Variants in XPR1 observed in about 807,000 individuals in gnomAD.
XPR1 encodes the protein xenotropic and polytropic retrovirus receptor 1, also known as solute carrier family 53 member 1.
Under a neutral mutation model 87.5 loss-of-function variants are expected in XPR1, and 28 were observed. That is an observed-to-expected ratio of 0.32 (90% CI 0.24 to 0.44). The LOEUF is 0.44. Among genes scored for constraint, XPR1 ranks in the 20% least tolerant of loss-of-function variants. The pLI is 1.00. For missense variants in XPR1, 559 were observed against 862.3 expected (o/e 0.65, Z 4.41); for synonymous variants, 300 against 306.1 (o/e 0.98, Z 0.21).
intron 2 of XPR1, among the ~76,000 whole-genome samples, chr1:180,777,536 G>A (rs1243326996): frequency 6.6e-6 from 1 of 152,060 alleles, no homozygotes; most frequent in Admixed American, 6.6e-5. Context: ...TACATAGGAG[G>A]GACTTGGTAC....
chr1:180,829,471 G>C (rs1253489526), intron 9 of XPR1, among the ~76,000 whole-genome samples: 1 of 152,166 alleles, frequency 6.6e-6, no homozygotes, highest in African/African-American at 2.4e-5. Context: ...GAATTTGACT[G>C]TGTGTAAATG....
intron 1 of XPR1, among the ~76,000 whole-genome samples, chr1:180,668,211 C>T (rs1656030357): frequency 6.7e-6 from 1 of 149,228 alleles, no homozygotes; most frequent in African/African-American, 2.5e-5. Flanking sequence ...CAATTGCAAC[C>T]TCCACCTTCT....
intron 1 of XPR1, among the ~76,000 whole-genome samples, chr1:180,634,409 CTTGTT>C (rs1654696398): frequency 6.6e-6 from 1 of 152,062 alleles, no homozygotes; most frequent in African/African-American, 2.4e-5. Flanking sequence ...GGGTTGGAAT[CTTGTT>C]TTGTGTGTTG....
intron 2 of XPR1, among the ~76,000 whole-genome samples, chr1:180,753,801 G>A (rs1237567618): frequency 1.3e-5 from 2 of 152,172 alleles, no homozygotes; most frequent in African/African-American, 4.8e-5. Flanking sequence ...ACATATATTT[G>A]TGTGGTTAAC....
intron 2 of XPR1, among the ~76,000 whole-genome samples, chr1:180,704,245 G>GATATATATATAGATATATATATATAT (rs1553238719): frequency 1.5e-5 from 1 of 66,054 alleles, no homozygotes; most frequent in African/African-American, 5.6e-5. Flanking sequence ...ATAGGTGCTG[G>GATATATATATAGATATATATATATAT]ATATATATAT....
At chr1:180,648,455 C>T (rs968158505) in intron 1 of XPR1, among the ~76,000 whole-genome samples, 1 of 152,168 alleles carries the variant, frequency 6.6e-6, no homozygotes, top group Non-Finnish European at 1.5e-5. Flanking sequence ...AATATGTGGA[C>T]CCCACTAAAT....
In XPR1 at chr1:180,655,121, C is replaced by T. The variant is rs565390822; in HGVS notation, c.69+22851C>T. ...TTTTTTTAAGCAGTAGCCATCCTAT[C>T]AAATGAATATGGTATCTCATTGTAG... On this transcript the variant is annotated intron_variant, in intron 1 of 14. Coordinates refer to ENST00000367590, the MANE Select transcript of XPR1 (RefSeq NM_004736.4). Among the ~76,000 whole-genome samples the T allele has an allele frequency of 5.3e-5, 8 of 152,214 alleles. 1 individual carries two copies. In the South Asian group the frequency reaches 1.0e-3, roughly 20 times the overall value.
intron 2 of XPR1, among the ~76,000 whole-genome samples, chr1:180,690,167 A>AG (rs1656931148): frequency 6.6e-6 from 1 of 152,220 alleles, no homozygotes; most frequent in East Asian, 1.9e-4. Context: ...AAAAAAAAAA[A>AG]AAGTGTATTT....
At chr1:180,804,893 T>TA (rs1457930446) in intron 4 of XPR1, among the ~76,000 whole-genome samples, 3 of 152,208 alleles carry the variant, frequency 2.0e-5, no homozygotes, top group Non-Finnish European at 4.4e-5. Context: ...TATAATGGTA[T>TA]AGCAACATTA....
chr1:180,872,895 A>T (rs970748228), intron 12 of XPR1, among the ~76,000 whole-genome samples: 7 of 152,102 alleles, frequency 4.6e-5, no homozygotes, highest in African/African-American at 1.2e-4. Flanking sequence ...TAAGTAGAAG[A>T]AGTAGCTACA....
intron 1 of XPR1, among the ~76,000 whole-genome samples, chr1:180,653,547 A>T (rs1448360873): frequency 6.6e-6 from 1 of 152,148 alleles, no homozygotes; most frequent in Non-Finnish European, 1.5e-5. Context: ...TCCACAGGGG[A>T]TACATTCCAG....
At chr1:180,659,381 G>GTCCT (rs1169616821) in intron 1 of XPR1, among the ~76,000 whole-genome samples, 1,338 of 55,226 alleles carry the variant, frequency 0.024, 29 homozygotes, top group Non-Finnish European at 0.03. Flanking sequence ...CCGTCCTTCC[G>GTCCT]TCCTTCCTTC....
intron 14 of XPR1, 138 bp downstream of exon 14, chr1:180,880,435 A>C: frequency 1.2e-6 from 1 of 840,180 alleles, no homozygotes; most frequent in Non-Finnish European, 1.9e-6. Flanking sequence ...AAAAAACAGT[A>C]ATAAGCAGCA....
At chr1:180,802,288 T>C (rs1649813421) in intron 3 of XPR1, among the ~76,000 whole-genome samples, 1 of 152,192 alleles carries the variant, frequency 6.6e-6, no homozygotes, top group African/African-American at 2.4e-5. Context: ...AATTGTGACC[T>C]TGGAAGAAAA....
chr1:180,832,005 T>G (rs1651082914), intron 9 of XPR1, among the ~76,000 whole-genome samples: 1 of 152,206 alleles, frequency 6.6e-6, no homozygotes, highest in Non-Finnish European at 1.5e-5. Context: ...TAATTTATAC[T>G]CCCACCAACA....
chr1:180,845,285 C>T (rs1333952986), intron 11 of XPR1, among the ~76,000 whole-genome samples: 1 of 152,108 alleles, frequency 6.6e-6, no homozygotes, highest in Non-Finnish European at 1.5e-5. Flanking sequence ...TCATTCATAC[C>T]TTTTGACCTA....
intron 12 of XPR1, among the ~76,000 whole-genome samples, chr1:180,865,474 C>G (rs1394537879): frequency 1.3e-5 from 2 of 151,158 alleles, no homozygotes; most frequent in African/African-American, 4.9e-5. Flanking sequence ...GATCTCGGCT[C>G]ACTGCCAGCT....
chr1:180,649,208 G>A (rs1380030645), intron 1 of XPR1, among the ~76,000 whole-genome samples: 4 of 151,838 alleles, frequency 2.6e-5, no homozygotes, highest in Non-Finnish European at 2.9e-5. Flanking sequence ...GGCGGATCAC[G>A]AGGTCAGGTG....
intron 2 of XPR1, among the ~76,000 whole-genome samples, chr1:180,741,548 C>T (rs1658926385): frequency 6.6e-6 from 1 of 152,024 alleles, no homozygotes; most frequent in Admixed American, 6.6e-5. Context: ...TGCAGTGGCA[C>T]AATCTTGACT....
Sources: allele counts gnomAD v4.1 joint callset (sites outside exome capture counted in the v4.1 genomes callset), GRCh38; gene constraint gnomAD v4.1.1; transcripts MANE v1.5; gene names NCBI Gene and HGNC (gene_info 2026-07-23, HGNC 2026-07-21).